ZNF530: variants seen among roughly 807,000 people sequenced by gnomAD.
ZNF530 encodes zinc finger protein 530.
ZNF530 carries 5 observed loss-of-function variants against 2.8 expected under a neutral mutation model. The observed-to-expected ratio is 1.80, with a 90% CI of 0.94 to 3.78. ZNF530 has a LOEUF of 3.78. Among genes scored for constraint, ZNF530 ranks in the 30% most tolerant of loss-of-function variants. The pLI, the probability that ZNF530 is intolerant of heterozygous loss-of-function variation, is 0.00. For missense variants in ZNF530, 619 were observed against 673.3 expected, an observed-to-expected ratio of 0.92 and a Z score of 0.89; for synonymous variants, 229 against 235.0, an observed-to-expected ratio of 0.97 and a Z score of 0.23.
At position 57,606,071 on chromosome 19, in the gene ZNF530, A is replaced by G. The variant is rs1041994025; in HGVS notation, c.447A>G (p.Gly149=). 3 of 1,614,186 alleles carry G rather than the reference A, an allele frequency of 1.9e-6. No individual in the cohort carries two copies. The highest frequency in any genetic ancestry group is 2.5e-6 in the Non-Finnish European group (3 of 1,180,024). ...GGAGGGACTTTTCAGCCACCTCAGG[A>G]CTTCTCCAGCATCAGGTGACTCCCA... is the stretch of plus-strand genomic sequence containing the variant. ...EVGRDFSATS[G]LLQHQVTPTI... The change falls in exon 4 of 4, where the codon GGA becomes GGG. Residue 149 remains glycine, a synonymous_variant. Coordinates refer to ENST00000597700, the MANE Select transcript of ZNF530 (RefSeq NM_001321981.2).
Position 57,607,223 on chromosome 19 carries a change from G to C in ZNF530, c.1599G>C (p.Lys533Asn). 4 of 1,612,964 alleles carry C rather than the reference G, an allele frequency of 2.5e-6. No individual in the cohort carries two copies. Among genetic ancestry groups the C allele is most frequent in the Middle Eastern group, 1.7e-4 (1 of 6,058 alleles). The change falls in exon 4 of 4, where the codon AAG becomes AAC. Residue 533 changes from lysine (K) to asparagine (N), a missense_variant. Coordinates refer to ENST00000597700, the MANE Select transcript of ZNF530 (RefSeq NM_001321981.2). The part of the protein sequence containing the change: ...FTRKNHLIQH[K>N]TVHTGERPYE... ...GCAAAAATCACCTCATTCAACACAAGACAGTTCACACTGGAGAAAGGCCTT... is the reference window on the plus strand; with the variant it reads ...GCAAAAATCACCTCATTCAACACAACACAGTTCACACTGGAGAAAGGCCTT...
In ZNF530 at chr19:57,606,041, A is replaced by G. The variant is rs1980503762; in HGVS notation, c.417A>G (p.Glu139=). The change falls in exon 4 of 4, where the codon GAA becomes GAG. Residue 139 remains glutamate (E), a synonymous_variant. Transcript: ENST00000597700. ...HVSGKPFTFG[E]VGRDFSATSG... The stretch of plus-strand genomic sequence containing the variant: ...CAGGAAAACCCTTCACGTTTGGGGA[A>G]GTCGGGAGGGACTTTTCAGCCACCT... 6.2e-7 allele frequency: 1 copy of G among 1,614,084 alleles called. No individual in the cohort carries two copies. Among genetic ancestry groups the G allele is most frequent in the South Asian group, 1.1e-5 (1 of 91,086 alleles).
At position 57,600,078 on chromosome 19, in the gene ZNF530, C is replaced by T. The variant is rs750047263; in HGVS notation, c.-178C>T. 1.3e-6 allele frequency: 2 copies of T among 1,538,718 alleles called. No homozygotes were observed. Among genetic ancestry groups the T allele is most frequent in the South Asian group, 2.4e-5 (2 of 83,478 alleles). On this transcript the variant is annotated 5_prime_UTR_variant, in exon 1 of 4. Coordinates refer to ENST00000597700, the MANE Select transcript of ZNF530 (RefSeq NM_001321981.2). ...TTGTCTCCGCCCGGATCGTCCACCG[C>T]TCCCGGCCCGCTCCGCCCAGAGTCC...
chr19:57,600,147 T>A lies in ZNF530; in HGVS notation c.-122+13T>A, dbSNP rs1051053711. 1.3e-6 allele frequency: 2 copies of A among 1,567,486 alleles called. No individual in the cohort carries two copies. Among genetic ancestry groups the A allele is most frequent in the East Asian group, 4.7e-5 (2 of 42,452 alleles). On this transcript the variant is annotated intron_variant, in intron 1 of 3. Coordinates refer to ENST00000597700, the MANE Select transcript of ZNF530 (RefSeq NM_001321981.2). ...GGCCCCGACCCAGGTGAGCGCTGCGTCCTCCCGGCCTCCTCTGCCCTCCCC... is the reference window on the plus strand; with the variant it reads ...GGCCCCGACCCAGGTGAGCGCTGCGACCTCCCGGCCTCCTCTGCCCTCCCC...
At chr19:57,602,546 C>T (rs1047394835) in intron 2 of ZNF530, among the ~76,000 whole-genome samples, 1 of 152,038 alleles carries the variant, frequency 6.6e-6, no homozygotes, top group Non-Finnish European at 1.5e-5. Flanking sequence ...AAGAGGGTAC[C>T]ATACTTGGGT....
At chr19:57,601,471 A>G (rs1382341125) in intron 2 of ZNF530, among the ~76,000 whole-genome samples, 1 of 152,232 alleles carries the variant, frequency 6.6e-6, no homozygotes, top group Non-Finnish European at 1.5e-5. Context: ...CCAAGTAGAT[A>G]GTAGAATTGT....
intron 2 of ZNF530, 26 bp from the exon 3 acceptor site, chr19:57,604,251 C>T (rs746031905): frequency 2.5e-6 from 4 of 1,613,384 alleles, no homozygotes; most frequent in Non-Finnish European, 3.4e-6. Context: ...AGATGCTGAC[C>T]ATGGAATGAA....
rs1980518432 is a variant in ZNF530, at chr19:57,606,152, GC to G, written c.530del (p.Pro177LeufsTer73). 1 of 1,614,104 alleles carries G rather than the reference GC, an allele frequency of 6.2e-7. No homozygotes were observed. The highest frequency in any genetic ancestry group is 1.1e-5 in the South Asian group (1 of 91,092). On this transcript the variant is annotated frameshift_variant, in exon 4 of 4. Coordinates refer to ENST00000597700, the MANE Select transcript of ZNF530 (RefSeq NM_001321981.2). LOFTEE classifies it low-confidence loss of function (END_TRUNC). ...RHLRVPTGRKPLKYTESRKSF... is the reference protein window; with the variant it reads ...RHLRVPTGRKXLKYTESRKSF... ...ACTTGAGAGTTCCCACTGGACGAAA[GC>G]CTCTCAAATACACTGAATCCAGGAA...
At position 57,606,858 on chromosome 19, in the gene ZNF530, A is replaced by G; in HGVS notation, c.1234A>G (p.Ser412Gly). The G allele has an allele frequency of 6.2e-7, 1 of 1,614,160 alleles. No homozygotes were observed. The highest frequency in any genetic ancestry group is 1.1e-5 in the South Asian group (1 of 91,086). The change falls in exon 4 of 4, where the codon AGC becomes GGC. Residue 412 changes from serine to glycine, a missense_variant. Ser to Gly is a moderately conservative substitution (Grantham distance 56). Transcript: ENST00000597700. ...YECSECGKVF[S>G]QSSGLFRHRR... ...GTGCAGTGAATGTGGGAAAGTTTTTAGCCAAAGCTCTGGCCTCTTTCGACA... is the reference window on the plus strand; with the variant it reads ...GTGCAGTGAATGTGGGAAAGTTTTTGGCCAAAGCTCTGGCCTCTTTCGACA...
Position 57,606,236 on chromosome 19 carries a change from G to T in ZNF530, c.612G>T (p.Arg204Ser). The change falls in exon 4 of 4, where the codon AGG (arginine) becomes AGT (serine). Residue 204 changes from arginine (R) to serine (S), a missense_variant. Coordinates refer to ENST00000597700, the MANE Select transcript of ZNF530 (RefSeq NM_001321981.2). ...IQHQRADSGE[R>S]PYKCSECGKS... ...ACCAAAGAGCTGACTCTGGAGAAAG[G>T]CCTTACAAGTGCAGTGAATGTGGGA... 6.2e-7 allele frequency: 1 copy of T among 1,614,230 alleles called. No individual in the cohort carries two copies. The highest frequency in any genetic ancestry group is 1.1e-5 in the South Asian group (1 of 91,090).
chr19:57,608,533 G>T lies in ZNF530; in HGVS notation c.*1208G>T, dbSNP rs1207783593. The T allele has an allele frequency of 6.6e-6, 1 of 152,136 alleles. No individual in the cohort carries two copies. Among genetic ancestry groups the T allele is most frequent in the Non-Finnish European group, 1.5e-5 (1 of 68,024 alleles). The allele number at this position is 152,136 out of a possible 1,614,324, so 9.4% of individuals were successfully genotyped here. ...AGGTCATTCTGCAGAGGGGGCAGTT[G>T]TGGCAACTTCCATTGTTTCTGGAGA... On this transcript the variant is annotated 3_prime_UTR_variant, in exon 4 of 4. Coordinates refer to ENST00000597700, the MANE Select transcript of ZNF530 (RefSeq NM_001321981.2).
downstream of ZNF530, among the ~76,000 whole-genome samples, chr19:57,610,989 CAGAG>C (rs969935846): frequency 1.3e-5 from 2 of 152,076 alleles, no homozygotes. Flanking sequence ...TTGCTGGTGA[CAGAG>C]AGACTTACCC....
chr19:57,612,628 C>T (rs1980918039), downstream of ZNF530: 1 of 397,794 alleles, frequency 2.5e-6, no homozygotes, highest in Admixed American at 4.4e-5. Context: ...CTGCAGCAAG[C>T]TATGATCGTG....
At chr19:57,604,639 TA>T in intron 3 of ZNF530, 1 of 421,470 alleles carries the variant, frequency 2.4e-6, no homozygotes, top group Non-Finnish European at 4.2e-6. Flanking sequence ...TCTTTCAACC[TA>T]AAGGATTTGT....
At position 57,610,067 on chromosome 19, in the gene ZNF530, A is replaced by T. The variant is rs1224313888; in HGVS notation, c.*2742A>T. Among the ~76,000 whole-genome samples the T allele has an allele frequency of 6.6e-6, 1 of 152,232 alleles. No individual in the cohort carries two copies. The highest frequency in any genetic ancestry group is 1.5e-5 in the Non-Finnish European group (1 of 68,050). ...TTAAAAAAAAATCAAGTTATAATTG[A>T]TGTGGAATAAATTATATATATTTAA... On this transcript the variant is annotated 3_prime_UTR_variant, in exon 4 of 4. Transcript: ENST00000597700.
chr19:57,602,888 A>G (rs900395343), intron 2 of ZNF530, among the ~76,000 whole-genome samples: 2 of 152,124 alleles, frequency 1.3e-5, no homozygotes, highest in East Asian at 3.8e-4. Flanking sequence ...TCTTTTTAAA[A>G]CCATCAGTTC....
At chr19:57,603,863 G>C (rs1231823272) in intron 2 of ZNF530, among the ~76,000 whole-genome samples, 1 of 152,154 alleles carries the variant, frequency 6.6e-6, no homozygotes, top group African/African-American at 2.4e-5. Context: ...TTGTGGGATC[G>C]GGGTGGAGGT....
rs1980811716 is a variant in ZNF530 at position 57,610,038 on chromosome 19, T to C, written c.*2713T>C. On this transcript the variant is annotated 3_prime_UTR_variant, in exon 4 of 4. Coordinates refer to ENST00000597700, the MANE Select transcript of ZNF530 (RefSeq NM_001321981.2). ...GTCAATGACCAAGATTGTTATTGCA[T>C]CCATTAAAAAAAAATCAAGTTATAA... Among the ~76,000 whole-genome samples the C allele has an allele frequency of 6.6e-6, 1 of 152,010 alleles. No homozygotes were observed. Among genetic ancestry groups the C allele is most frequent in the South Asian group, 2.1e-4 (1 of 4,822 alleles).
chr19:57,601,917 T>C (rs1474516826), intron 2 of ZNF530, among the ~76,000 whole-genome samples: 2 of 152,162 alleles, frequency 1.3e-5, no homozygotes, highest in African/African-American at 4.8e-5. Context: ...GTTGGAAGGA[T>C]ACTATGCCAT....
Sources: allele counts gnomAD v4.1 joint callset (sites outside exome capture counted in the v4.1 genomes callset), GRCh38; gene constraint gnomAD v4.1.1; transcripts MANE v1.5; gene names NCBI Gene and HGNC (gene_info 2026-07-23, HGNC 2026-07-21).